CD44: variants seen among roughly 807,000 people sequenced by gnomAD.
The protein encoded by CD44 is CD44 molecule (IN blood group), also known as CD44 antigen.
Under a neutral mutation model 88.8 loss-of-function variants are expected in CD44, and 49 were observed. That is an observed-to-expected ratio of 0.55 (90% CI 0.44 to 0.70). The LOEUF (loss-of-function observed/expected upper bound fraction) is 0.70, where lower values mean the gene tolerates loss of function less well. Ranked by LOEUF, CD44 falls within the 30% of genes least tolerant of loss-of-function variation. CD44 has a pLI of 0.00. For missense variants in CD44, 883 were observed against 913.8 expected (o/e 0.97, Z 0.43); for synonymous variants, 325 against 312.3 (o/e 1.04, Z -0.43).
intron 15 of CD44, among the ~76,000 whole-genome samples, chr11:35,216,931 G>A (rs1454762753): frequency 6.6e-6 from 1 of 152,216 alleles, no homozygotes; most frequent in African/African-American, 2.4e-5. Context: ...CTTAGACTGT[G>A]CTAGACTGCT....
Position 35,232,384 on chromosome 11 carries a change from A to G in CD44, c.*3051A>G, listed in dbSNP as rs1950100686. The G allele has an allele frequency of 6.6e-6, 1 of 152,556 alleles. No homozygotes were observed. 9.5% of individuals were successfully genotyped at this position (152,556 alleles called of 1,614,324 possible). ...GGAAAATATTAAAAGGCTAACATTA[A>G]AAGACTAAAGGAAACAGACTCAGAA... On this transcript the variant is annotated 3_prime_UTR_variant, in exon 18 of 18. Transcript: ENST00000428726.
At chr11:35,188,234 G>T (rs1295877358) in intron 4 of CD44, among the ~76,000 whole-genome samples, 4 of 152,306 alleles carry the variant, frequency 2.6e-5, no homozygotes, top group Admixed American at 6.5e-5. Flanking sequence ...GCCCCACATT[G>T]TTATGTAAGG....
At chr11:35,191,787 C>T (rs1427981673) in intron 5 of CD44, among the ~76,000 whole-genome samples, 2 of 152,166 alleles carry the variant, frequency 1.3e-5, no homozygotes, top group East Asian at 1.9e-4. Context: ...TCATTAACCC[C>T]TATAGAATAT....
intron 2 of CD44, among the ~76,000 whole-genome samples, chr11:35,179,384 A>T (rs1378413429): frequency 1.3e-5 from 2 of 152,202 alleles, no homozygotes; most frequent in Non-Finnish European, 2.9e-5. Context: ...TTATATTCAA[A>T]AAAAATTGTG....
At chr11:35,194,740 T>C (rs1946572424) in intron 5 of CD44, among the ~76,000 whole-genome samples, 1 of 152,206 alleles carries the variant, frequency 6.6e-6, no homozygotes, top group Non-Finnish European at 1.5e-5. Flanking sequence ...ATGTTTTCCT[T>C]TTGGCAATGT....
chr11:35,219,080 G>C (rs888850234), intron 15 of CD44: 1 of 522,750 alleles, frequency 1.9e-6, no homozygotes, highest in African/African-American at 1.9e-5. Context: ...GTGCAACACT[G>C]CTGCTGAGAA....
intron 1 of CD44, among the ~76,000 whole-genome samples, chr11:35,147,865 G>A (rs1436422472): frequency 1.3e-5 from 2 of 152,132 alleles, no homozygotes; most frequent in Non-Finnish European, 2.9e-5. Flanking sequence ...GAGGCAGGCG[G>A]ATGACCTGAG....
chr11:35,208,884 T>C (rs778929553), intron 12 of CD44, among the ~76,000 whole-genome samples: 9 of 152,236 alleles, frequency 5.9e-5, no homozygotes, highest in Non-Finnish European at 4.4e-5. Flanking sequence ...AGGTCCCATT[T>C]TACTGCTTGC....
intron 1 of CD44, among the ~76,000 whole-genome samples, chr11:35,158,344 G>A (rs1471106694): frequency 6.6e-6 from 1 of 152,208 alleles, no homozygotes; most frequent in African/African-American, 2.4e-5. Context: ...TGTGCTGGGT[G>A]CTTAGAAAGC....
intron 1 of CD44, chr11:35,139,617 G>T (rs1403044963): frequency 1.9e-5 from 14 of 741,434 alleles, no homozygotes; most frequent in Non-Finnish European, 3.5e-5. Context: ...GGCTGCCGGC[G>T]CGCAGTTTTG....
intron 1 of CD44, among the ~76,000 whole-genome samples, chr11:35,140,323 T>C (rs556920519): frequency 1.3e-5 from 2 of 152,360 alleles, no homozygotes; most frequent in South Asian, 2.1e-4. Flanking sequence ...TCTATGTATG[T>C]ACAGATAATT....
At chr11:35,148,422 G>A (rs1416524981) in intron 1 of CD44, among the ~76,000 whole-genome samples, 1 of 152,196 alleles carries the variant, frequency 6.6e-6, no homozygotes, top group Non-Finnish European at 1.5e-5. Context: ...AAAAGTTCGG[G>A]GAAGAAATCT....
intron 1 of CD44, among the ~76,000 whole-genome samples, chr11:35,147,556 G>T (rs1338574226): frequency 6.6e-6 from 1 of 152,030 alleles, no homozygotes; most frequent in African/African-American, 2.4e-5. Context: ...CCACAGGAAG[G>T]GATGCAGGCC....
At position 35,221,721 on chromosome 11, in the gene CD44, C is replaced by T. The variant is rs1210618616; in HGVS notation, c.2013C>T (p.Asn671=). The T allele has an allele frequency of 2.5e-6, 4 of 1,613,972 alleles. No homozygotes were observed. Among genetic ancestry groups the T allele is most frequent in the East Asian group, 2.2e-5 (1 of 44,886 alleles). ...TTCTTGCAGTTTGCATTGCAGTCAACAGTCGAAGAAGGTAAGGGGCTGTCC... is the reference window on the plus strand; with the variant it reads ...TTCTTGCAGTTTGCATTGCAGTCAATAGTCGAAGAAGGTAAGGGGCTGTCC... The part of the protein sequence containing the change: ...ALILAVCIAV[N]SRRRCGQKKK... The change falls in exon 17 of 18, where the codon AAC becomes AAT. Residue 671 remains asparagine (N), a synonymous_variant. Transcript: ENST00000428726.
At chr11:35,213,044 G>A (rs931962006) in intron 14 of CD44, among the ~76,000 whole-genome samples, 1 of 150,866 alleles carries the variant, frequency 6.6e-6, no homozygotes, top group Middle Eastern at 3.2e-3. Flanking sequence ...GGCTGGTCTC[G>A]AACTCCTGAC....
At chr11:35,208,524 A>G (rs1319512170) in intron 12 of CD44, among the ~76,000 whole-genome samples, 2 of 152,172 alleles carry the variant, frequency 1.3e-5, no homozygotes, top group Non-Finnish European at 2.9e-5. Flanking sequence ...TGATTTCTCT[A>G]TGTTTTAACT....
intron 1 of CD44, among the ~76,000 whole-genome samples, chr11:35,148,296 A>G (rs1264500930): frequency 6.6e-6 from 1 of 152,212 alleles, no homozygotes; most frequent in Non-Finnish European, 1.5e-5. Context: ...AGAGCTAACT[A>G]AGCACCATCT....
intron 1 of CD44, chr11:35,139,707 G>T (rs1857521183): frequency 5.4e-6 from 3 of 551,696 alleles, no homozygotes; most frequent in South Asian, 4.5e-5. Context: ...TGGACTAACA[G>T]GCTCCTGTGC....
intron 5 of CD44, among the ~76,000 whole-genome samples, chr11:35,191,590 C>T (rs766021184): frequency 4.6e-5 from 7 of 152,068 alleles, no homozygotes; most frequent in East Asian, 1.9e-4. Flanking sequence ...GCAATTTTGT[C>T]GGATGTTAGC....
Sources: gnomAD v4.1 joint callset for allele counts (sites outside exome capture counted in the v4.1 genomes callset) on GRCh38, gnomAD v4.1.1 for gene constraint, MANE v1.5 for transcripts, NCBI Gene and HGNC (gene_info 2026-07-23, HGNC 2026-07-21) for gene names.